ITPK1: variants seen among roughly 807,000 people sequenced by gnomAD.
ITPK1 encodes the protein inositol 1,3,4-trisphosphate 5/6-kinase.
In ITPK1, 21 loss-of-function variants were observed where a neutral mutation model predicts 45.3. The observed-to-expected ratio is 0.46, with a 90% CI of 0.33 to 0.67. The LOEUF is 0.67. Among genes scored for constraint, ITPK1 ranks in the 30% least tolerant of loss-of-function variants. The pLI, the probability that ITPK1 is intolerant of heterozygous loss-of-function variation, is 0.02. For missense variants in ITPK1, 474 were observed against 573.5 expected, an observed-to-expected ratio of 0.83 and a Z score of 1.77; for synonymous variants, 258 against 253.6, an observed-to-expected ratio of 1.02 and a Z score of -0.16.
chr14:93,073,837 C>G (rs1891115320), intron 3 of ITPK1, among the ~76,000 whole-genome samples: 1 of 152,214 alleles, frequency 6.6e-6, no homozygotes, highest in Non-Finnish European at 1.5e-5. Flanking sequence ...GTTTCCCCAC[C>G]TCAAAAGGGT....
At chr14:92,993,060 A>T (rs1376079294) in intron 5 of ITPK1, among the ~76,000 whole-genome samples, 1 of 152,222 alleles carries the variant, frequency 6.6e-6, no homozygotes, top group Non-Finnish European at 1.5e-5. Flanking sequence ...GCCCAAGGCC[A>T]AGTCACCATC....
In ITPK1 at chr14:92,992,458, A is replaced by T. The variant is rs191650281; in HGVS notation, c.364+1422T>A. 7.1e-4 allele frequency among the ~76,000 whole-genome samples: 108 copies of T among 152,312 alleles called. 1 individual carries two copies. The highest frequency in any genetic ancestry group is 2.5e-3 in the African/African-American group (102 of 41,574). On this transcript the variant is annotated intron_variant, in intron 5 of 10. Coordinates refer to ENST00000267615, the MANE Select transcript of ITPK1 (RefSeq NM_014216.6). ...CCAATCACTCCAGGCCTAGCAAATAAAGGCTGCTGGCATGTGCTAAGAAAG... is the reference window on the plus strand; with the variant it reads ...CCAATCACTCCAGGCCTAGCAAATATAGGCTGCTGGCATGTGCTAAGAAAG...
In ITPK1 at chr14:92,980,733, T is replaced by C. The variant is rs8010216; in HGVS notation, c.364+13147A>G. On this transcript the variant is annotated intron_variant, in intron 5 of 10. Transcript: ENST00000267615. ...CTCTGTTGCCCAGGCTAGAGTGCAG[T>C]GGTGCGATCTTGGTTCACTATAACC... 8.9e-3 allele frequency among the ~76,000 whole-genome samples: 1,353 copies of C among 152,274 alleles called. 17 individuals carry two copies. Among genetic ancestry groups the C allele is most frequent in the African/African-American group, 0.031 (1,270 of 41,532 alleles).
chr14:93,027,244 T>C (rs1428903446), intron 3 of ITPK1, among the ~76,000 whole-genome samples: 1 of 152,110 alleles, frequency 6.6e-6, no homozygotes, highest in Non-Finnish European at 1.5e-5. Flanking sequence ...TTAAAACCAG[T>C]GAAATGTCTT....
At chr14:93,046,601 G>T (rs1367739747) in intron 3 of ITPK1, among the ~76,000 whole-genome samples, 2 of 146,812 alleles carry the variant, frequency 1.4e-5, no homozygotes, top group Admixed American at 6.7e-5. Context: ...GGGCGGGGGG[G>T]GGCGGCGGGG....
intron 3 of ITPK1, among the ~76,000 whole-genome samples, chr14:93,064,903 A>G (rs1320781167): frequency 2.6e-5 from 4 of 152,142 alleles, no homozygotes; most frequent in Non-Finnish European, 5.9e-5. Flanking sequence ...ACAACTCTGG[A>G]TTTACACAGC....
chr14:93,105,077 C>T (rs1007494140), intron 2 of ITPK1, among the ~76,000 whole-genome samples: 2 of 152,180 alleles, frequency 1.3e-5, no homozygotes, highest in Non-Finnish European at 2.9e-5. Context: ...AGGAATTTGG[C>T]AAAAGGTAGC....
chr14:92,952,438 G>A (rs1446639044), intron 8 of ITPK1, among the ~76,000 whole-genome samples: 1 of 152,186 alleles, frequency 6.6e-6, no homozygotes, highest in Non-Finnish European at 1.5e-5. Flanking sequence ...CAGCCCACGG[G>A]ACTCTCTTTT....
chr14:93,115,393 A>G (rs1892906824), intron 1 of ITPK1, 88 bp from the exon 2 acceptor site: 1 of 161,042 alleles, frequency 6.2e-6, no homozygotes, highest in Non-Finnish European at 1.3e-5. Flanking sequence ...TGGCTGGGCC[A>G]AGCTGCCACC....
chr14:93,101,705 C>T (rs183771429), intron 2 of ITPK1, among the ~76,000 whole-genome samples: 1 of 152,278 alleles, frequency 6.6e-6, no homozygotes, highest in Admixed American at 6.5e-5. Flanking sequence ...AAAAAATTAG[C>T]TGGGCGTGGA....
chr14:92,948,644 A>G (rs916124425), intron 9 of ITPK1, among the ~76,000 whole-genome samples: 1 of 149,022 alleles, frequency 6.7e-6, no homozygotes, highest in Non-Finnish European at 1.5e-5. Context: ...GGTGCACCTG[A>G]ATTAAAAAAA....
chr14:92,968,519 C>A (rs1433276465), intron 5 of ITPK1, among the ~76,000 whole-genome samples: 1 of 152,128 alleles, frequency 6.6e-6, no homozygotes, highest in Non-Finnish European at 1.5e-5. Flanking sequence ...GTTCCTCATC[C>A]CCACTGGGTC....
rs1889328266 is a variant in ITPK1 at position 93,036,535 on chromosome 14, G to C, written c.121-19734C>G. ...CCATTTGACCCCCACGGCTCTTGCTGTTTGCTGGTGGCAGCCTCTCCACAC... is the reference window on the plus strand; with the variant it reads ...CCATTTGACCCCCACGGCTCTTGCTCTTTGCTGGTGGCAGCCTCTCCACAC... On this transcript the variant is annotated intron_variant, in intron 3 of 10. Transcript: ENST00000267615. The surrounding 1 kb of genome is among the most constrained non-coding windows in gnomAD (Gnocchi z 4.1). Among the ~76,000 whole-genome samples the C allele has an allele frequency of 6.6e-6, 1 of 151,668 alleles. No homozygotes were observed. The highest frequency in any genetic ancestry group is 1.5e-5 in the Non-Finnish European group (1 of 67,920).
chr14:92,961,130 G>A (rs1885048368), intron 7 of ITPK1, among the ~76,000 whole-genome samples: 2 of 152,244 alleles, frequency 1.3e-5, no homozygotes, highest in African/African-American at 4.8e-5. Context: ...CTGTTGGTGG[G>A]GCTTTCCAAG....
In ITPK1 at chr14:92,958,594, G is replaced by A. The variant is rs981871575; in HGVS notation, c.505-228C>T. Among the ~76,000 whole-genome samples the A allele has an allele frequency of 9.2e-5, 14 of 152,174 alleles. No homozygotes were observed. The highest frequency in any genetic ancestry group is 1.6e-4 in the Non-Finnish European group (11 of 68,026). On this transcript the variant is annotated intron_variant, in intron 7 of 10. Transcript: ENST00000267615. This position sits in a 1 kb window ranked among gnomAD's most constrained non-coding sequence, Gnocchi z 4.4. ...CGGGGTTGGAGATCCTCCCTTCACC[G>A]GGCCTGCCATGTGAGATCGAGCTGG... is the stretch of plus-strand genomic sequence containing the variant.
intron 9 of ITPK1, among the ~76,000 whole-genome samples, chr14:92,949,753 C>T (rs769686383): frequency 8.1e-4 from 123 of 152,262 alleles, no homozygotes; most frequent in Non-Finnish European, 1.4e-3. Flanking sequence ...TACAAAAGTG[C>T]TCTCGGCCTG....
intron 4 of ITPK1, among the ~76,000 whole-genome samples, chr14:93,008,933 C>T (rs1026816428): frequency 6.6e-6 from 1 of 152,196 alleles, no homozygotes; most frequent in African/African-American, 2.4e-5. Flanking sequence ...AGTGTCCACA[C>T]AAAAATCAGA....
At chr14:92,952,739 G>A (rs1888017141) in intron 8 of ITPK1, among the ~76,000 whole-genome samples, 1 of 152,248 alleles carries the variant, frequency 6.6e-6, no homozygotes, top group African/African-American at 2.4e-5. Flanking sequence ...CCAGTCCAAA[G>A]AATACTGAAA....
rs771202709 is a variant in ITPK1 at position 92,993,986 on chromosome 14, A to G, written c.258T>C (p.Asp86=). Reference sequence around the variant, plus strand: ...CCAGGACGATGGTCTCAGGGTGGGCATCGATGTACTCCTGAAAGGGAAGCA... The same window carrying G: ...CCAGGACGATGGTCTCAGGGTGGGCGTCGATGTACTCCTGAAAGGGAAGCA... ...ELVHRFQEYI[D]AHPETIVLDP... is the part of the protein sequence containing the mutation. The change falls in exon 5 of 11, where the codon GAT becomes GAC. Residue 86 remains aspartate, a synonymous_variant. Coordinates refer to ENST00000267615, the MANE Select transcript of ITPK1 (RefSeq NM_014216.6). The G allele has an allele frequency of 1.9e-6, 3 of 1,611,782 alleles. No homozygotes were observed.
Sources: gnomAD v4.1 joint callset for allele counts (sites outside exome capture counted in the v4.1 genomes callset) on GRCh38, gnomAD v4.1.1 for gene constraint, Gnocchi (gnomAD v3.1) non-coding constraint, MANE v1.5 for transcripts, NCBI Gene and HGNC (gene_info 2026-07-23, HGNC 2026-07-21) for gene names.